Variants in CEP85L observed in about 807,000 individuals in gnomAD.
CEP85L encodes the protein centrosomal protein of 85 kDa-like.
A neutral mutation model predicts 100.3 loss-of-function variants in CEP85L; 60 were observed. The observed-to-expected ratio is 0.60, with a 90% CI of 0.49 to 0.74. The LOEUF (loss-of-function observed/expected upper bound fraction) is 0.74, where lower values mean the gene tolerates loss of function less well. Ranked by LOEUF, CEP85L falls within the 30% of genes least tolerant of loss-of-function variation. CEP85L has a pLI of 0.00. For missense variants in CEP85L, 973 were observed against 936.2 expected (o/e 1.04, Z -0.51); for synonymous variants, 319 against 322.7 (o/e 0.99, Z 0.12).
chr6:118,531,155 G>C (rs1169594831), intron 3 of CEP85L, among the ~76,000 whole-genome samples: 2 of 152,126 alleles, frequency 1.3e-5, no homozygotes, highest in Non-Finnish European at 2.9e-5. Flanking sequence ...TACAGAAACA[G>C]ACACACAGAC....
chr6:118,594,882 A>AAAAC (rs1781384526), intron 2 of CEP85L, among the ~76,000 whole-genome samples: 1 of 71,872 alleles, frequency 1.4e-5, no homozygotes, highest in Non-Finnish European at 3.1e-5. Flanking sequence ...AAAACAAAAC[A>AAAAC]AAAAAAAAAA....
intron 1 of CEP85L, among the ~76,000 whole-genome samples, chr6:118,696,315 A>G (rs1777209825): frequency 6.6e-6 from 1 of 152,170 alleles, no homozygotes; most frequent in Admixed American, 6.5e-5. Flanking sequence ...TAGACAGGAA[A>G]ATAAATCCAA....
At chr6:118,572,330 C>T (rs1473780138) in intron 2 of CEP85L, among the ~76,000 whole-genome samples, 1 of 146,594 alleles carries the variant, frequency 6.8e-6, no homozygotes, top group African/African-American at 2.5e-5. Context: ...CCAAAGTTGC[C>T]AGGTGACGAG....
In CEP85L at chr6:118,558,841, C is replaced by T. The variant is rs541080130; in HGVS notation, c.1020+6688G>A. 2.2e-5 allele frequency: 20 copies of T among 928,594 alleles called. No homozygotes were observed. In the East Asian group the frequency reaches 4.6e-4, roughly 21 times the overall value. The allele number at this position is 928,594 out of a possible 1,614,324, so 57.5% of individuals were successfully genotyped here. ...ACATTCCAGGCTACCTAAAAGAAGA[C>T]AGTTATCTCATATTTGGCTGCCAGC... On this transcript the variant is annotated intron_variant, in intron 3 of 12. Coordinates refer to ENST00000368491, the MANE Select transcript of CEP85L (RefSeq NM_001042475.3).
chr6:118,467,772 GAT>G (rs755060761), intron 12 of CEP85L, among the ~76,000 whole-genome samples: 11 of 152,168 alleles, frequency 7.2e-5, no homozygotes, highest in Non-Finnish European at 1.6e-4. Flanking sequence ...GCTCCCAAGA[GAT>G]ATTAAAGCAC....
chr6:118,589,215 T>A (rs920240439), intron 2 of CEP85L: 1 of 231,628 alleles, frequency 4.3e-6, no homozygotes, highest in Non-Finnish European at 9.6e-6. Flanking sequence ...ATCACCTATG[T>A]GTATATGAAG....
chr6:118,703,033 A>G (rs1007553687), intron 1 of CEP85L, among the ~76,000 whole-genome samples: 45 of 149,934 alleles, frequency 3.0e-4, no homozygotes, highest in Non-Finnish European at 5.6e-4. Flanking sequence ...AGTTCATTTT[A>G]CCACCCCTTA....
chr6:118,659,343 A>C (rs1025475113), intron 1 of CEP85L, among the ~76,000 whole-genome samples: 4 of 152,208 alleles, frequency 2.6e-5, no homozygotes, highest in Non-Finnish European at 5.9e-5. Context: ...TATATTCTCT[A>C]ATTGAGACAT....
chr6:118,521,015 G>T (rs1355046687), intron 4 of CEP85L, among the ~76,000 whole-genome samples: 1 of 151,818 alleles, frequency 6.6e-6, no homozygotes, highest in Non-Finnish European at 1.5e-5. Context: ...TATACGCAGT[G>T]TGAAAAAAAA....
At chr6:118,705,603 C>A (rs1399421949) in intron 1 of CEP85L, among the ~76,000 whole-genome samples, 1 of 152,144 alleles carries the variant, frequency 6.6e-6, no homozygotes, top group East Asian at 1.9e-4. Context: ...GTGTGATTTG[C>A]ACAAAATGAA....
intron 1 of CEP85L, among the ~76,000 whole-genome samples, chr6:118,697,768 C>T (rs540606563): frequency 6.6e-6 from 1 of 152,246 alleles, no homozygotes; most frequent in Non-Finnish European, 1.5e-5. Flanking sequence ...ATACTATTTC[C>T]ACTCGAATAT....
At chr6:118,503,257 A>C (rs1775423135) in intron 5 of CEP85L, among the ~76,000 whole-genome samples, 1 of 152,234 alleles carries the variant, frequency 6.6e-6, no homozygotes. Context: ...CTATATGAAG[A>C]CAACTATAAA....
At chr6:118,649,398 T>C (rs769451940) in intron 1 of CEP85L, among the ~76,000 whole-genome samples, 7 of 152,340 alleles carry the variant, frequency 4.6e-5, no homozygotes, top group Middle Eastern at 3.4e-3. Flanking sequence ...AATGTCTCTC[T>C]AGAGGCTGCA....
At chr6:118,466,892 T>G (rs530383753) in intron 12 of CEP85L, among the ~76,000 whole-genome samples, 1 of 152,022 alleles carries the variant, frequency 6.6e-6, no homozygotes, top group African/African-American at 2.4e-5. Context: ...AATAGTGCAA[T>G]GGAGATAGAA....
intron 1 of CEP85L, among the ~76,000 whole-genome samples, chr6:118,704,895 C>CT (rs1309449352): frequency 2.0e-5 from 3 of 151,894 alleles, no homozygotes; most frequent in South Asian, 2.1e-4. Context: ...CTTTCAGTGG[C>CT]TTTTTTTTCC....
chr6:118,555,255 C>T (rs529444735), intron 3 of CEP85L, among the ~76,000 whole-genome samples: 1 of 151,932 alleles, frequency 6.6e-6, no homozygotes, highest in Non-Finnish European at 1.5e-5. Context: ...CATGGTGAAA[C>T]CCCGTCTCTA....
intron 3 of CEP85L, among the ~76,000 whole-genome samples, chr6:118,557,066 T>C (rs909134460): frequency 1.3e-5 from 2 of 152,182 alleles, no homozygotes; most frequent in Non-Finnish European, 2.9e-5. Flanking sequence ...ATAATTACTA[T>C]GTGTTCCAAG....
intron 3 of CEP85L, chr6:118,565,230 T>C (rs1779432440): frequency 2.9e-6 from 1 of 341,802 alleles, no homozygotes; most frequent in South Asian, 3.9e-5. Context: ...GCTTTTTTGT[T>C]TCTGTTTCCA....
chr6:118,617,782 G>GAACC (rs1400732502), intron 2 of CEP85L, among the ~76,000 whole-genome samples: 2 of 152,140 alleles, frequency 1.3e-5, no homozygotes, highest in Non-Finnish European at 2.9e-5. Flanking sequence ...GCTAGGCAAA[G>GAACC]AACCTTGGGT....
Sources: gnomAD v4.1 joint callset for allele counts (sites outside exome capture counted in the v4.1 genomes callset) on GRCh38, gnomAD v4.1.1 for gene constraint, MANE v1.5 for transcripts, NCBI Gene and HGNC (gene_info 2026-07-23, HGNC 2026-07-21) for gene names.